Variants in RPS6KA2 observed in about 807,000 individuals in gnomAD.
RPS6KA2 encodes ribosomal protein S6 kinase A2.
A neutral mutation model predicts 91.8 loss-of-function variants in RPS6KA2; 42 were observed. That is an observed-to-expected ratio of 0.46 (90% CI 0.36 to 0.59). The LOEUF (loss-of-function observed/expected upper bound fraction) is 0.59, where lower values mean the gene tolerates loss of function less well. RPS6KA2 is among the 20% of genes least tolerant of loss of function. RPS6KA2 has a pLI of 0.00. For missense variants in RPS6KA2, 798 were observed against 978.5 expected (o/e 0.82, Z 2.46); for synonymous variants, 414 against 393.6 (o/e 1.05, Z -0.61).
At chr6:166,525,814 C>T (rs181168563) in intron 3 of RPS6KA2, among the ~76,000 whole-genome samples, 3 of 152,294 alleles carry the variant, frequency 2.0e-5, no homozygotes, top group African/African-American at 7.2e-5. Context: ...TTCTCCTTGA[C>T]ATTCTTCAGG....
At chr6:166,813,522 A>G (rs528690679) in intron 2 of RPS6KA2, among the ~76,000 whole-genome samples, 1 of 152,350 alleles carries the variant, frequency 6.6e-6, no homozygotes, top group South Asian at 2.1e-4. Flanking sequence ...AGACAACAGA[A>G]GTGGATTGTC....
chr6:166,535,153 C>A (rs1490624961), intron 2 of RPS6KA2, among the ~76,000 whole-genome samples: 1 of 152,192 alleles, frequency 6.6e-6, no homozygotes, highest in Non-Finnish European at 1.5e-5. Context: ...TTAGAACTGC[C>A]TCTCCAGCAG....
chr6:166,843,783 C>A (rs2128630636), intron 2 of RPS6KA2, among the ~76,000 whole-genome samples: 1 of 152,194 alleles, frequency 6.6e-6, no homozygotes, highest in African/African-American at 2.4e-5. Flanking sequence ...GTCTTGAGTC[C>A]CAGATCTTCC....
intron 5 of RPS6KA2, among the ~76,000 whole-genome samples, chr6:166,507,099 T>C (rs1168246321): frequency 3.9e-5 from 6 of 152,004 alleles, no homozygotes; most frequent in Non-Finnish European, 8.8e-5. Flanking sequence ...CCACACCCGA[T>C]GCTCCCGAAC....
rs189142590 is a variant in RPS6KA2 at position 166,574,597 on chromosome 6, G to A, written c.100-35813C>T. Among the ~76,000 whole-genome samples, 4 of 152,288 alleles carry A rather than the reference G, an allele frequency of 2.6e-5. 1 individual carries two copies. Among genetic ancestry groups the A allele is most frequent in the Admixed American group, 2.6e-4 (4 of 15,294 alleles). On this transcript the variant is annotated intron_variant, in intron 1 of 20. Transcript: ENST00000265678. Reference sequence around the variant, plus strand: ...AAGTTGATTCCACGTCTGTGCTATTGTGAACGTTGTTGCAGTGAAAATACA... The same window carrying A: ...AAGTTGATTCCACGTCTGTGCTATTATGAACGTTGTTGCAGTGAAAATACA...
At chr6:166,842,823 T>C (rs767097034) in intron 2 of RPS6KA2, among the ~76,000 whole-genome samples, 9 of 152,194 alleles carry the variant, frequency 5.9e-5, no homozygotes, top group African/African-American at 2.4e-5. Context: ...CAAAGCAGCA[T>C]GTGGAGAGAC....
At chr6:166,576,819 T>A (rs1440620814) in intron 1 of RPS6KA2, among the ~76,000 whole-genome samples, 2 of 152,182 alleles carry the variant, frequency 1.3e-5, no homozygotes, top group Non-Finnish European at 2.9e-5. Flanking sequence ...AAGTTGAATG[T>A]TAATCCCCGA....
intron 2 of RPS6KA2, among the ~76,000 whole-genome samples, chr6:166,659,603 T>A (rs1367888487): frequency 1.3e-5 from 2 of 152,254 alleles, no homozygotes; most frequent in Non-Finnish European, 2.9e-5. Context: ...TATCAATCAT[T>A]CCAGGGAGTG....
chr6:166,619,015 G>A (rs530098149), intron 1 of RPS6KA2, among the ~76,000 whole-genome samples: 3 of 150,390 alleles, frequency 2.0e-5, no homozygotes, highest in East Asian at 1.9e-4. Flanking sequence ...CATCAGATTC[G>A]CGCACCAGCC....
chr6:166,792,407 C>T (rs920675730), intron 2 of RPS6KA2, among the ~76,000 whole-genome samples: 1 of 151,844 alleles, frequency 6.6e-6, no homozygotes, highest in Non-Finnish European at 1.5e-5. Flanking sequence ...GGATTCACAG[C>T]CGAATTCTAC....
intron 1 of RPS6KA2, among the ~76,000 whole-genome samples, chr6:166,541,484 G>A (rs1783651799): frequency 6.6e-6 from 1 of 152,226 alleles, no homozygotes; most frequent in Non-Finnish European, 1.5e-5. Flanking sequence ...TGTGGGACAT[G>A]CCTTTGTGGG....
chr6:166,597,873 G>C (rs1005589584), intron 1 of RPS6KA2, among the ~76,000 whole-genome samples: 1 of 152,168 alleles, frequency 6.6e-6, no homozygotes, highest in Non-Finnish European at 1.5e-5. Context: ...TGGTGTGCCA[G>C]CCCCAGCCGG....
At chr6:166,607,791 T>C (rs1272108393) in intron 1 of RPS6KA2, among the ~76,000 whole-genome samples, 1 of 152,160 alleles carries the variant, frequency 6.6e-6, no homozygotes, top group Non-Finnish European at 1.5e-5. Context: ...AGAAACAAAA[T>C]GTTATGGCAT....
Position 166,419,956 on chromosome 6 carries a change from G to A in RPS6KA2, c.1746C>T (p.Val582=), listed in dbSNP as rs917112841. 6.2e-6 allele frequency: 10 copies of A among 1,613,512 alleles called. No individual in the cohort carries two copies. The highest frequency in any genetic ancestry group is 5.0e-5 in the Admixed American group (3 of 59,996). ...CYTANFVAPE[V]LKRQGYDAAC... Reference sequence around the variant, plus strand: ...CCGCATCATAGCCTTGACGCTTCAGGACCTAGGAGGGAACGACAGGACACC... The same window carrying A: ...CCGCATCATAGCCTTGACGCTTCAGAACCTAGGAGGGAACGACAGGACACC... The change falls in exon 18 of 21, where the codon GTC becomes GTT. Residue 582 remains valine (V), a splice_region_variant and synonymous_variant. Coordinates refer to ENST00000265678, the MANE Select transcript of RPS6KA2 (RefSeq NM_021135.6). The surrounding 1 kb of genome is among the most constrained non-coding windows in gnomAD (Gnocchi z 5.6).
chr6:166,469,871 G>A lies in RPS6KA2; in HGVS notation c.942C>T (p.Arg314=). Residue 314 remains arginine, a synonymous_variant, in exon 11 of 21, where the codon CGC becomes CGT. Transcript: ENST00000265678. ...AGTCTATGGTCACAAAGAAGGGATG[G>A]CGCTTAATTTCCTCCACTCCGTCAA... ...AGIDGVEEIK[R]HPFFVTIDWN... 2 of 1,614,184 alleles carry A rather than the reference G, an allele frequency of 1.2e-6. No homozygotes were observed. The highest frequency in any genetic ancestry group is 1.3e-5 in the African/African-American group (1 of 75,054).
intron 2 of RPS6KA2, among the ~76,000 whole-genome samples, chr6:166,716,319 C>A (rs1056728373): frequency 6.6e-6 from 1 of 151,994 alleles, no homozygotes; most frequent in Admixed American, 6.5e-5. Flanking sequence ...AACAGAAAAA[C>A]AAATAGGACG....
Position 166,770,785 on chromosome 6 carries a change from G to T in RPS6KA2, c.123+87415C>A, listed in dbSNP as rs1778444310. 1.5e-6 allele frequency: 2 copies of T among 1,363,862 alleles called. No individual in the cohort carries two copies. Among genetic ancestry groups the T allele is most frequent in the South Asian group, 1.3e-5 (1 of 78,624 alleles). The allele number at this position is 1,363,862 out of a possible 1,614,324, so 84.5% of individuals were successfully genotyped here. ...TGAAACAACTCAATAAATTGAAAAA[G>T]ACTTCATGTTTAACTTAAAAAAAAA... is the stretch of plus-strand genomic sequence containing the variant. On this transcript the variant is annotated intron_variant, in intron 2 of 21. Transcript: ENST00000503859. This position sits in a 1 kb window ranked among gnomAD's most constrained non-coding sequence, Gnocchi z 5.1.
intron 2 of RPS6KA2, among the ~76,000 whole-genome samples, chr6:166,748,345 C>A (rs1266462878): frequency 2.6e-5 from 4 of 152,128 alleles, no homozygotes; most frequent in Non-Finnish European, 4.4e-5. Context: ...TGAAAACTAA[C>A]AAGTAATGGG....
chr6:166,517,692 G>A (rs929155809), intron 3 of RPS6KA2, among the ~76,000 whole-genome samples: 29 of 150,618 alleles, frequency 1.9e-4, no homozygotes, highest in Non-Finnish European at 4.4e-5. Context: ...AGCCAGGATG[G>A]TCTCGATCTC....
Sources: gnomAD v4.1 joint callset for allele counts (sites outside exome capture counted in the v4.1 genomes callset) on GRCh38, gnomAD v4.1.1 for gene constraint, Gnocchi (gnomAD v3.1) non-coding constraint, MANE v1.5 for transcripts, NCBI Gene and HGNC (gene_info 2026-07-23, HGNC 2026-07-21) for gene names.